Variants in GPR158 observed in about 807,000 individuals in gnomAD.
The protein encoded by GPR158 is metabotropic glycine receptor.
A neutral mutation model predicts 78.2 loss-of-function variants in GPR158; 30 were observed. That is an observed-to-expected ratio of 0.38 (90% confidence interval 0.29 to 0.52). The LOEUF (loss-of-function observed/expected upper bound fraction) is 0.52, where lower values mean the gene tolerates loss of function less well. Ranked by LOEUF, GPR158 falls within the 20% of genes least tolerant of loss-of-function variation. GPR158 has a pLI of 0.83. For missense variants in GPR158, 1,463 were observed against 1,523.5 expected (o/e 0.96, Z 0.66); for synonymous variants, 581 against 591.1 (o/e 0.98, Z 0.25).
rs139807341 is a variant in GPR158, at chr10:25,480,194, C to T, written c.1404+13475C>T. On this transcript the variant is annotated intron_variant, in intron 5 of 10. Coordinates refer to ENST00000376351, the MANE Select transcript of GPR158 (RefSeq NM_020752.3). ...GAGAATTACCTACTTGAATCTTTATCTGTTTTATTTGATAATGTCCCTTTT... is the reference window on the plus strand; with the variant it reads ...GAGAATTACCTACTTGAATCTTTATTTGTTTTATTTGATAATGTCCCTTTT... 4.4e-3 allele frequency among the ~76,000 whole-genome samples: 667 copies of T among 152,172 alleles called. 11 individuals are homozygous for T. Among genetic ancestry groups the T allele is most frequent in the African/African-American group, 0.015 (639 of 41,524 alleles).
In GPR158 at chr10:25,223,439, T is replaced by C. The variant is rs113204667; in HGVS notation, c.1008+2282T>C. Among the ~76,000 whole-genome samples the C allele has an allele frequency of 9.8e-3, 1,487 of 152,302 alleles. 31 individuals carry two copies. Among genetic ancestry groups the C allele is most frequent in the African/African-American group, 0.033 (1,378 of 41,558 alleles). ...GAACTCTTCACACATTGTATTGGGC[T>C]TCTCTAAGGTCGTATAGTTTGTGCT... On this transcript the variant is annotated intron_variant, in intron 2 of 10. Coordinates refer to ENST00000376351, the MANE Select transcript of GPR158 (RefSeq NM_020752.3).
intron 7 of GPR158, among the ~76,000 whole-genome samples, chr10:25,586,391 A>ATTTTT (rs71399977): frequency 2.8e-5 from 2 of 70,868 alleles, no homozygotes; most frequent in Non-Finnish European, 6.0e-5. Flanking sequence ...GTATGTGTGA[A>ATTTTT]TTTTTTTTTT....
chr10:25,485,118 A>C (rs1835716802), intron 5 of GPR158, among the ~76,000 whole-genome samples: 1 of 151,500 alleles, frequency 6.6e-6, no homozygotes, highest in South Asian at 2.1e-4. Context: ...AGCTATAGAC[A>C]GAAAAAAAAT....
intron 2 of GPR158, among the ~76,000 whole-genome samples, chr10:25,251,762 C>G (rs1005570610): frequency 1.3e-5 from 2 of 151,228 alleles, no homozygotes; most frequent in African/African-American, 2.4e-5. Context: ...TCCTTCATTT[C>G]AACTTTGGTG....
At position 25,517,404 on chromosome 10, in the gene GPR158, C is replaced by G. The variant is rs1032342478; in HGVS notation, c.1405-33572C>G. ...ATTGCCCTGGCCAGAACTTCCAACA[C>G]TATGTTGAATAGGAGTGGTGAGAGA... On this transcript the variant is annotated intron_variant, in intron 5 of 10. Coordinates refer to ENST00000376351, the MANE Select transcript of GPR158 (RefSeq NM_020752.3). Among the ~76,000 whole-genome samples, 131 of 152,206 alleles carry G rather than the reference C, an allele frequency of 8.6e-4. 1 individual carries two copies. The highest frequency in any genetic ancestry group is 3.9e-3 in the South Asian group (19 of 4,814).
At chr10:25,280,820 A>C (rs1007206376) in intron 2 of GPR158, among the ~76,000 whole-genome samples, 1 of 152,140 alleles carries the variant, frequency 6.6e-6, no homozygotes, top group African/African-American at 2.4e-5. Context: ...TATACTGACC[A>C]CATGCTGTGC....
chr10:25,184,184 T>A (rs1378674245), intron 1 of GPR158, among the ~76,000 whole-genome samples: 1 of 152,194 alleles, frequency 6.6e-6, no homozygotes, highest in Non-Finnish European at 1.5e-5. Flanking sequence ...TACTGCTGTA[T>A]GTAAATTTTT....
chr10:25,323,494 T>C (rs1238643292), intron 2 of GPR158, among the ~76,000 whole-genome samples: 8 of 152,032 alleles, frequency 5.3e-5, no homozygotes, highest in South Asian at 2.1e-4. Flanking sequence ...ATCTGTTCTT[T>C]AGTGTAGCTA....
chr10:25,304,489 T>C (rs1289021465), intron 2 of GPR158, among the ~76,000 whole-genome samples: 3 of 152,088 alleles, frequency 2.0e-5, no homozygotes, highest in African/African-American at 7.2e-5. Flanking sequence ...CCACCTAATC[T>C]CTCAGTGCCT....
intron 5 of GPR158, among the ~76,000 whole-genome samples, chr10:25,482,035 T>C (rs1213440160): frequency 6.6e-6 from 1 of 152,114 alleles, no homozygotes; most frequent in Non-Finnish European, 1.5e-5. Context: ...TGCTTGACCA[T>C]ACCTTAGCTC....
chr10:25,434,917 C>T, intron 4 of GPR158, among the ~76,000 whole-genome samples: 1 of 141,934 alleles, frequency 7.0e-6, no homozygotes, highest in South Asian at 2.4e-4. Context: ...ATAAGAGGGA[C>T]AGTCTAGGCA....
intron 2 of GPR158, among the ~76,000 whole-genome samples, chr10:25,282,984 T>G (rs1854298178): frequency 6.6e-6 from 1 of 152,108 alleles, no homozygotes; most frequent in African/African-American, 2.4e-5. Context: ...TTTTGTAATG[T>G]CTTTCTGGTT....
At chr10:25,252,654 A>G (rs368646429) in intron 2 of GPR158, among the ~76,000 whole-genome samples, 238 of 152,118 alleles carry the variant, frequency 1.6e-3, no homozygotes, top group African/African-American at 3.5e-3. Context: ...ACCCACTTGA[A>G]GAGGCAGTCT....
At chr10:25,220,135 ATACTT>A (rs1339813509) in intron 1 of GPR158, among the ~76,000 whole-genome samples, 6 of 152,172 alleles carry the variant, frequency 3.9e-5, no homozygotes, top group African/African-American at 1.2e-4. Flanking sequence ...TGGGGTATAT[ATACTT>A]TACTTAAGTT....
chr10:25,474,405 C>G (rs1476584325), intron 5 of GPR158, among the ~76,000 whole-genome samples: 3 of 152,094 alleles, frequency 2.0e-5, no homozygotes. Flanking sequence ...GATTCTTCCT[C>G]TTTTCCTTTT....
At chr10:25,461,243 A>G (rs573257985) in intron 4 of GPR158, among the ~76,000 whole-genome samples, 10 of 152,356 alleles carry the variant, frequency 6.6e-5, no homozygotes, top group Admixed American at 4.6e-4. Flanking sequence ...GGAGGCTGGG[A>G]TAGGCTGAAA....
intron 5 of GPR158, among the ~76,000 whole-genome samples, 172 bp downstream of exon 5, chr10:25,466,891 A>G (rs1835431885): frequency 6.6e-6 from 1 of 152,170 alleles, no homozygotes; most frequent in East Asian, 1.9e-4. Flanking sequence ...AGAGACAATT[A>G]GTAAAGTAAG....
intron 6 of GPR158, among the ~76,000 whole-genome samples, chr10:25,560,352 G>A (rs555175429): frequency 3.2e-4 from 48 of 152,144 alleles, no homozygotes; most frequent in Non-Finnish European, 5.3e-4. Flanking sequence ...TGCAAGCTCC[G>A]CCTCCCGGGT....
intron 2 of GPR158, among the ~76,000 whole-genome samples, chr10:25,328,549 A>G (rs1348187346): frequency 1.3e-5 from 2 of 152,184 alleles, no homozygotes; most frequent in Non-Finnish European, 2.9e-5. Context: ...TATTCATAGC[A>G]TATTTTAATC....
Sources: allele counts gnomAD v4.1 joint callset (sites outside exome capture counted in the v4.1 genomes callset), GRCh38; gene constraint gnomAD v4.1.1; transcripts MANE v1.5; gene names NCBI Gene and HGNC (gene_info 2026-07-23, HGNC 2026-07-21).